The following REEP1 variants were observed in gnomAD, a reference collection of about 807,000 sequenced individuals.
The protein encoded by REEP1 is receptor expression-enhancing protein 1.
A neutral mutation model predicts 40.3 loss-of-function variants in REEP1; 22 were observed. That is an observed-to-expected ratio of 0.55 (90% CI 0.39 to 0.78). REEP1 has a LOEUF of 0.78. Among genes scored for constraint, REEP1 ranks in the 30% least tolerant of loss-of-function variants. REEP1 has a pLI of 0.00. For synonymous variants in REEP1, 116 were observed against 139.2 expected, an observed-to-expected ratio of 0.83 and a Z score of 1.17; for missense variants, 280 against 361.1, an observed-to-expected ratio of 0.78 and a Z score of 1.82.
At chr2:86,288,052 C>T (rs1384783068) in intron 1 of REEP1, among the ~76,000 whole-genome samples, 4 of 141,444 alleles carry the variant, frequency 2.8e-5, no homozygotes, top group African/African-American at 1.3e-4. Flanking sequence ...GATGGAGTCT[C>T]GCTCCCATTG....
intron 3 of REEP1, among the ~76,000 whole-genome samples, chr2:86,262,514 A>G (rs571427612): frequency 1.3e-5 from 2 of 152,344 alleles, no homozygotes; most frequent in South Asian, 4.1e-4. Context: ...CTCTCAGTGG[A>G]GGTGAAAGCT....
At position 86,299,645 on chromosome 2, in the gene REEP1, C is replaced by T. The variant is rs766168475; in HGVS notation, c.33-17403G>A. 9.2e-5 allele frequency among the ~76,000 whole-genome samples: 14 copies of T among 152,102 alleles called. 1 individual carries two copies. The highest frequency in any genetic ancestry group is 1.9e-4 in the Non-Finnish European group (13 of 68,034). ...GCTACAAGTTCCTTAAGAGCAAGGA[C>T]AATACTGCGTTCATCTTATACAAGC... On this transcript the variant is annotated intron_variant, in intron 1 of 8. Transcript: ENST00000538924.
At chr2:86,273,282 CTTT>C (rs1191260583) in intron 2 of REEP1, among the ~76,000 whole-genome samples, 5 of 138,794 alleles carry the variant, frequency 3.6e-5, no homozygotes, top group African/African-American at 2.7e-5. Flanking sequence ...TGGCCCCTAC[CTTT>C]TTTTTTTTTT....
intron 2 of REEP1, among the ~76,000 whole-genome samples, chr2:86,278,329 C>T (rs867248522): frequency 2.0e-5 from 3 of 152,016 alleles, no homozygotes; most frequent in African/African-American, 7.3e-5. Flanking sequence ...CATTGGTGAC[C>T]GTTCACTTAA....
chr2:86,292,143 G>A (rs2104430041), intron 1 of REEP1, among the ~76,000 whole-genome samples: 1 of 152,286 alleles, frequency 6.6e-6, no homozygotes, highest in South Asian at 2.1e-4. Context: ...GCTGTGGAGT[G>A]GCAAGCATGC....
At chr2:86,297,739 C>A in intron 1 of REEP1, 1 of 985,168 alleles carries the variant, frequency 1.0e-6, no homozygotes, top group Non-Finnish European at 1.2e-6. Context: ...ATAAAAGCAA[C>A]CTACCTCCTC....
intron 3 of REEP1, among the ~76,000 whole-genome samples, chr2:86,257,072 G>A (rs1031280722): frequency 1.3e-5 from 2 of 152,134 alleles, no homozygotes; most frequent in African/African-American, 4.8e-5. Flanking sequence ...CACTTTCATG[G>A]CAAGATTGTT....
intron 7 of REEP1, among the ~76,000 whole-genome samples, chr2:86,220,830 T>C (rs1388327181): frequency 6.6e-6 from 1 of 152,162 alleles, no homozygotes; most frequent in Non-Finnish European, 1.5e-5. Flanking sequence ...CTTGAATACA[T>C]CTGCGGGAAA....
At chr2:86,275,447 G>A (rs1309271640) in intron 2 of REEP1, among the ~76,000 whole-genome samples, 1 of 152,178 alleles carries the variant, frequency 6.6e-6, no homozygotes, top group African/African-American at 2.4e-5. Flanking sequence ...CCTTTCATAT[G>A]CAAACTAACC....
At chr2:86,310,733 ATG>A (rs1236830190) in intron 1 of REEP1, among the ~76,000 whole-genome samples, 1 of 145,654 alleles carries the variant, frequency 6.9e-6, no homozygotes, top group Non-Finnish European at 1.5e-5. Flanking sequence ...CTCTCTGTGT[ATG>A]TGTGTGTGTG....
upstream of REEP1, chr2:86,337,770 C>T (rs1431116219): frequency 9.8e-5 from 76 of 776,872 alleles, no homozygotes; most frequent in South Asian, 5.0e-4. This position sits in a 1 kb window ranked among gnomAD's most constrained non-coding sequence, Gnocchi z 5.8. Context: ...CCCGCGGGCC[C>T]GCCCCGTCCC....
At chr2:86,269,750 C>G (rs1677334217) in intron 2 of REEP1, among the ~76,000 whole-genome samples, 1 of 152,070 alleles carries the variant, frequency 6.6e-6, no homozygotes, top group Admixed American at 6.6e-5. Flanking sequence ...TTAAAAACTT[C>G]CGCTCTGCAC....
intron 1 of REEP1, among the ~76,000 whole-genome samples, chr2:86,325,640 T>C (rs973455237): frequency 1.3e-5 from 2 of 152,118 alleles, no homozygotes; most frequent in Non-Finnish European, 2.9e-5. Context: ...ACTACAGTAA[T>C]GCAGCCACGA....
At position 86,254,249 on chromosome 2, in the gene REEP1, T is replaced by C. The variant is rs1398366731; in HGVS notation, c.303+445A>G. On this transcript the variant is annotated intron_variant, in intron 4 of 8. Coordinates refer to ENST00000538924, the MANE Select transcript of REEP1 (RefSeq NM_001371279.1). ...ACTCTCTAGGTTGCCCAGGCTGGCT[T>C]TGAACTTCTGGGCTCAAGTGATTCT... Among the ~76,000 whole-genome samples the C allele has an allele frequency of 2.0e-5, 3 of 152,150 alleles. No homozygotes were observed. In the East Asian group the frequency reaches 5.8e-4, roughly 29 times the overall value.
chr2:86,317,688 A>G (rs1258947621), intron 1 of REEP1, among the ~76,000 whole-genome samples: 1 of 152,218 alleles, frequency 6.6e-6, no homozygotes, highest in Non-Finnish European at 1.5e-5. Flanking sequence ...CCATTTAAGA[A>G]TGTCATAGAT....
intron 1 of REEP1, among the ~76,000 whole-genome samples, chr2:86,325,231 G>A (rs1181851064): frequency 1.3e-5 from 2 of 152,206 alleles, no homozygotes; most frequent in Non-Finnish European, 2.9e-5. Flanking sequence ...CTGGGCAATA[G>A]AGTGAGATCC....
chr2:86,232,795 C>A lies in REEP1; in HGVS notation c.425G>T (p.Gly142Val), dbSNP rs200638698. The change falls in exon 6 of 9, where the codon GGT becomes GTT. Residue 142 changes from glycine (G) to valine (V), a missense_variant. Physicochemically the swap from Gly to Val is moderately radical, Grantham distance 109. Coordinates refer to ENST00000538924, the MANE Select transcript of REEP1 (RefSeq NM_001371279.1). ...AAVMAASKGQ[G>V]ALSERLRSFS... ...GCTCCGCAGTCTCTCCGATAAGGCACCCTGTCCCTGGATACAACACAGGAG... is the reference window on the plus strand; with the variant it reads ...GCTCCGCAGTCTCTCCGATAAGGCAACCTGTCCCTGGATACAACACAGGAG... The A allele has an allele frequency of 6.2e-7, 1 of 1,600,836 alleles. No individual in the cohort carries two copies. Among genetic ancestry groups the A allele is most frequent in the East Asian group, 2.2e-5 (1 of 44,884 alleles).
chr2:86,232,508 G>T, intron 6 of REEP1, 117 bp downstream of exon 6: 4 of 1,241,154 alleles, frequency 3.2e-6, no homozygotes, highest in South Asian at 1.3e-5. Flanking sequence ...TGGACACCCC[G>T]TTGGTGGCAG....
rs141317960 is a variant in REEP1, at chr2:86,271,775, T to C, written c.106-7734A>G. Among the ~76,000 whole-genome samples the C allele has an allele frequency of 5.4e-3, 819 of 152,360 alleles. 4 individuals carry two copies. The highest frequency in any genetic ancestry group is 8.1e-3 in the Non-Finnish European group (548 of 68,030). ...TTGTCCAGTGGTAAAGTCTATAGCC[T>C]GCTGGGGCTCAGGATCTGGGAATTC... is the stretch of plus-strand genomic sequence containing the variant. On this transcript the variant is annotated intron_variant, in intron 2 of 8. Transcript: ENST00000538924.
Sources: allele counts gnomAD v4.1 joint callset (sites outside exome capture counted in the v4.1 genomes callset), GRCh38; gene constraint gnomAD v4.1.1; non-coding constraint Gnocchi (gnomAD v3.1); transcripts MANE v1.5; gene names NCBI Gene and HGNC (gene_info 2026-07-23, HGNC 2026-07-21).